The following SRBD1 variants were observed in gnomAD, a reference collection of about 807,000 sequenced individuals.
The protein encoded by SRBD1 is S1 RNA-binding domain-containing protein 1.
Under a neutral mutation model 115.3 loss-of-function variants are expected in SRBD1, and 88 were observed. That is an observed-to-expected ratio of 0.76 (90% CI 0.64 to 0.91). The LOEUF (loss-of-function observed/expected upper bound fraction) is 0.91. Among genes scored for constraint, SRBD1 ranks in the 40% least tolerant of loss-of-function variants. SRBD1 has a pLI of 0.00. For synonymous variants in SRBD1, 509 were observed against 407.7 expected (o/e 1.25, Z -2.99); for missense variants, 1,385 against 1,177.4 (o/e 1.18, Z -2.58).
intron 14 of SRBD1, among the ~76,000 whole-genome samples, chr2:45,511,329 T>C (rs1315093165): frequency 6.6e-6 from 1 of 152,216 alleles, no homozygotes. Context: ...TAATAAGATG[T>C]TCTTGGCAGC....
chr2:45,497,762 C>T (rs116636668), intron 14 of SRBD1, among the ~76,000 whole-genome samples: 2 of 151,838 alleles, frequency 1.3e-5, no homozygotes, highest in Admixed American at 6.6e-5. Context: ...GCCAGCCAGG[C>T]GTGGTGGCTC....
At chr2:45,531,861 AAT>A (rs1180587682) in intron 14 of SRBD1, among the ~76,000 whole-genome samples, 1 of 151,802 alleles carries the variant, frequency 6.6e-6, no homozygotes, top group Non-Finnish European at 1.5e-5. Context: ...CATATGACTC[AAT>A]AAAGAATAAA....
chr2:45,504,909 G>A (rs1404765571), intron 14 of SRBD1, among the ~76,000 whole-genome samples: 4 of 152,070 alleles, frequency 2.6e-5, no homozygotes, highest in East Asian at 1.9e-4. Flanking sequence ...TAATAAAAAC[G>A]AGGAGTAAGG....
intron 14 of SRBD1, among the ~76,000 whole-genome samples, chr2:45,501,725 G>C (rs573471271): frequency 6.6e-6 from 1 of 152,172 alleles, no homozygotes; most frequent in African/African-American, 2.4e-5. Flanking sequence ...ACTGCAAAGC[G>C]GCAGCAAGGC....
chr2:45,472,469 G>T (rs1230139629), intron 16 of SRBD1, among the ~76,000 whole-genome samples: 1 of 152,136 alleles, frequency 6.6e-6, no homozygotes, highest in Non-Finnish European at 1.5e-5. Context: ...AACCAATAAA[G>T]CTGGGTTTGT....
In SRBD1 at chr2:45,449,121, C is replaced by T. The variant is rs545524455; in HGVS notation, c.2049+27872G>A. ...AAATTTTAATGTCTTTTTTATTGAA[C>T]ATTTTCTTTACTTTTCCAGTTTTCA... On this transcript the variant is annotated intron_variant, in intron 16 of 20. Coordinates refer to ENST00000263736, the MANE Select transcript of SRBD1 (RefSeq NM_018079.5). Among the ~76,000 whole-genome samples the T allele has an allele frequency of 2.2e-4, 34 of 152,168 alleles. 1 individual carries two copies. In the South Asian group the frequency reaches 2.5e-3, roughly 11 times the overall value.
At chr2:45,605,276 T>C in intron 2 of SRBD1, 86 bp downstream of exon 2, 1 of 1,347,500 alleles carries the variant, frequency 7.4e-7, no homozygotes, top group East Asian at 2.3e-5. Context: ...CCACATCACT[T>C]AAGGAGTTAG....
At chr2:45,564,212 G>C (rs569880677) in intron 9 of SRBD1, among the ~76,000 whole-genome samples, 1 of 152,242 alleles carries the variant, frequency 6.6e-6, no homozygotes, top group South Asian at 2.1e-4. Flanking sequence ...CATCTCAATA[G>C]ATGTGGAAAA....
Position 45,482,453 on chromosome 2 carries a change from T to G in SRBD1, c.1967-5378A>C, listed in dbSNP as rs185824527. 1.1e-3 allele frequency among the ~76,000 whole-genome samples: 166 copies of G among 151,624 alleles called. 1 individual carries two copies. Among genetic ancestry groups the G allele is most frequent in the Admixed American group, 2.0e-3 (30 of 15,202 alleles). ...TGCTATCGAACCAATAACACAGGAGTTGGGGAGTGGAGAGAATGGGGAGAT... is the reference window on the plus strand; with the variant it reads ...TGCTATCGAACCAATAACACAGGAGGTGGGGAGTGGAGAGAATGGGGAGAT... On this transcript the variant is annotated intron_variant, in intron 15 of 20. Coordinates refer to ENST00000263736, the MANE Select transcript of SRBD1 (RefSeq NM_018079.5).
chr2:45,601,990 T>G lies in SRBD1; in HGVS notation c.174A>C (p.Glu58Asp). The G allele has an allele frequency of 1.9e-6, 3 of 1,614,224 alleles. No homozygotes were observed. The highest frequency in any genetic ancestry group is 2.5e-6 in the Non-Finnish European group (3 of 1,180,030). Reference protein sequence around the residue: ...PRSRKQPPPKESKPKRMPRVK... With the variant: ...PRSRKQPPPKDSKPKRMPRVK... Reference sequence around the variant, plus strand: ...CCCGAGGCATCCTCTTTGGTTTGGATTCCTTGGGAGGGGGCTGTTTACGGC... The same window carrying G: ...CCCGAGGCATCCTCTTTGGTTTGGAGTCCTTGGGAGGGGGCTGTTTACGGC... Residue 58 changes from glutamate (E) to aspartate (D), a missense_variant, in exon 3 of 21, where the codon GAA becomes GAC. Coordinates refer to ENST00000263736, the MANE Select transcript of SRBD1 (RefSeq NM_018079.5).
chr2:45,475,576 C>T (rs1257124045), intron 16 of SRBD1, among the ~76,000 whole-genome samples: 1 of 152,160 alleles, frequency 6.6e-6, no homozygotes, highest in Admixed American at 6.5e-5. Context: ...ATTAGCCTGC[C>T]CAGGTTTCAT....
chr2:45,542,360 G>A (rs528619431), intron 14 of SRBD1, among the ~76,000 whole-genome samples: 10 of 152,322 alleles, frequency 6.6e-5, no homozygotes, highest in Admixed American at 5.2e-4. Context: ...AAGGGGCATC[G>A]CAGGCCCCTG....
intron 10 of SRBD1, 130 bp from the exon 11 acceptor site, chr2:45,553,860 T>G (rs1672385343): frequency 4.2e-6 from 2 of 473,036 alleles, no homozygotes; most frequent in Non-Finnish European, 7.6e-6. Flanking sequence ...TAACATAATC[T>G]GTGAGGAAAG....
intron 16 of SRBD1, among the ~76,000 whole-genome samples, chr2:45,420,846 A>C (rs1667974663): frequency 6.6e-6 from 1 of 152,160 alleles, no homozygotes; most frequent in Non-Finnish European, 1.5e-5. Context: ...GCACTATCTT[A>C]ATCTTTTTAT....
At chr2:45,538,620 C>T (rs1671838935) in intron 14 of SRBD1, among the ~76,000 whole-genome samples, 1 of 152,106 alleles carries the variant, frequency 6.6e-6, no homozygotes, top group Admixed American at 6.5e-5. Context: ...GAGACCTGTC[C>T]ATTATTTCAG....
intron 9 of SRBD1, 47 bp downstream of exon 9, chr2:45,573,160 T>G: frequency 6.6e-7 from 1 of 1,525,060 alleles, no homozygotes; most frequent in Non-Finnish European, 8.8e-7. Flanking sequence ...ATCCAAAATA[T>G]TATCATTATT....
rs759381863 is a variant in SRBD1, at chr2:45,389,406, G to C, written c.2892C>G (p.Ser964Arg). The change falls in exon 21 of 21, where the codon AGC becomes AGG. Residue 964 changes from serine (S) to arginine (R), a missense_variant. Transcript: ENST00000263736. Reference protein sequence around the residue: ...AKLSKTKKRRSLGLGPGERVE... With the variant: ...AKLSKTKKRRRLGLGPGERVE... ...CTCTTTCTCCGGGGCCCAGTCCAAG[G>C]CTTCTTCTCTTCTTTGTTTTTGAAA... The C allele has an allele frequency of 6.2e-7, 1 of 1,613,898 alleles. No individual in the cohort carries two copies. The highest frequency in any genetic ancestry group is 1.7e-5 in the Admixed American group (1 of 59,974).
chr2:45,536,902 G>C (rs1387939260), intron 14 of SRBD1, among the ~76,000 whole-genome samples: 1 of 152,140 alleles, frequency 6.6e-6, no homozygotes, highest in Non-Finnish European at 1.5e-5. Flanking sequence ...ATAGAGCAAT[G>C]TTCCTCAAAC....
At chr2:45,536,550 T>G (rs1359710517) in intron 14 of SRBD1, among the ~76,000 whole-genome samples, 1 of 152,144 alleles carries the variant, frequency 6.6e-6, no homozygotes, top group African/African-American at 2.4e-5. Context: ...TAATAAAGTT[T>G]TATCATGTGT....
Sources: gnomAD v4.1 joint callset for allele counts (sites outside exome capture counted in the v4.1 genomes callset) on GRCh38, gnomAD v4.1.1 for gene constraint, MANE v1.5 for transcripts, NCBI Gene and HGNC (gene_info 2026-07-23, HGNC 2026-07-21) for gene names.